Variants in EYS observed in about 807,000 individuals in gnomAD.
EYS encodes EGF-like photoreceptor maintenance factor.
In EYS, 250 loss-of-function variants were observed where a neutral mutation model predicts 282.1. The observed-to-expected ratio is 0.89, with a 90% CI of 0.80 to 0.98. The LOEUF is 0.98. Among genes scored for constraint, EYS ranks in the 50% least tolerant of loss-of-function variants. EYS has a pLI of 0.00. For missense variants in EYS, 4,016 were observed against 3,709.0 expected (o/e 1.08, Z -2.15); for synonymous variants, 1,355 against 1,282.9 (o/e 1.06, Z -1.20).
At chr6:65,402,152 T>C (rs536466858) in intron 7 of EYS, among the ~76,000 whole-genome samples, 176 of 151,754 alleles carry the variant, frequency 1.2e-3, no homozygotes, top group African/African-American at 4.1e-3. Context: ...AATAATACTA[T>C]GGAGACATAT....
At chr6:63,772,333 T>G (rs1053481011) in intron 40 of EYS, among the ~76,000 whole-genome samples, 7 of 152,128 alleles carry the variant, frequency 4.6e-5, no homozygotes, top group Admixed American at 3.9e-4. Flanking sequence ...CAGTTCATAT[T>G]AAGGATTAGA....
intron 13 of EYS, among the ~76,000 whole-genome samples, chr6:65,009,195 C>T (rs2150132186): frequency 6.6e-6 from 1 of 152,164 alleles, no homozygotes; most frequent in Admixed American, 6.5e-5. Context: ...AGGGATCCCA[C>T]CTCCTTTCCC....
At chr6:63,954,910 C>T (rs1467101086) in intron 35 of EYS, among the ~76,000 whole-genome samples, 1 of 152,138 alleles carries the variant, frequency 6.6e-6, no homozygotes, top group Non-Finnish European at 1.5e-5. Context: ...AATCTGTCCT[C>T]AAGGAAATAA....
intron 12 of EYS, among the ~76,000 whole-genome samples, chr6:65,059,354 GA>G (rs942353605): frequency 2.2e-4 from 33 of 152,220 alleles, no homozygotes; most frequent in Admixed American, 3.9e-4. Flanking sequence ...GCTGGGGTAA[GA>G]GAGCTCATAG....
intron 12 of EYS, among the ~76,000 whole-genome samples, chr6:65,160,538 G>T (rs1764828456): frequency 6.6e-6 from 1 of 150,682 alleles, no homozygotes; most frequent in Non-Finnish European, 1.5e-5. Flanking sequence ...ACTTGGCATT[G>T]TTGGCAACCA....
At chr6:64,251,078 G>T (rs980854034) in intron 30 of EYS, among the ~76,000 whole-genome samples, 4 of 152,114 alleles carry the variant, frequency 2.6e-5, no homozygotes, top group African/African-American at 4.8e-5. Context: ...AATGGATTTT[G>T]CCTTGTCTGA....
At chr6:64,513,310 A>G (rs1254477017) in intron 26 of EYS, among the ~76,000 whole-genome samples, 5 of 151,950 alleles carry the variant, frequency 3.3e-5, no homozygotes, top group Non-Finnish European at 7.4e-5. Flanking sequence ...TCATTGTTAA[A>G]CGTACTGTTT....
intron 7 of EYS, among the ~76,000 whole-genome samples, chr6:65,387,352 G>C (rs1458688385): frequency 6.6e-6 from 1 of 151,648 alleles, no homozygotes; most frequent in Admixed American, 6.6e-5. Flanking sequence ...AGAACTACTA[G>C]TATTTATAAC....
intron 2 of EYS, among the ~76,000 whole-genome samples, chr6:65,598,273 C>G (rs1039613137): frequency 4.2e-5 from 5 of 119,714 alleles, no homozygotes; most frequent in African/African-American, 1.6e-4. Flanking sequence ...AAACTTTTCT[C>G]TCCTGGTATT....
At chr6:65,405,089 T>A in intron 6 of EYS, 85 bp downstream of exon 6, 1 of 908,218 alleles carries the variant, frequency 1.1e-6, no homozygotes, top group Non-Finnish European at 1.8e-6. Flanking sequence ...TTAATAAGGA[T>A]TCTAATTATT....
intron 30 of EYS, among the ~76,000 whole-genome samples, chr6:64,237,818 T>G (rs1766663106): frequency 6.6e-6 from 1 of 152,142 alleles, no homozygotes; most frequent in African/African-American, 2.4e-5. Flanking sequence ...ATGTTTTTGC[T>G]ATTTAAAAAA....
chr6:64,331,916 C>T (rs1011084855), intron 29 of EYS, among the ~76,000 whole-genome samples: 1 of 152,122 alleles, frequency 6.6e-6, no homozygotes, highest in African/African-American at 2.4e-5. Flanking sequence ...CCCACCAGGA[C>T]AGAGAAAGCT....
chr6:65,514,111 A>G (rs866353985), intron 2 of EYS, among the ~76,000 whole-genome samples: 14 of 152,172 alleles, frequency 9.2e-5, no homozygotes, highest in African/African-American at 3.1e-4. Context: ...TACAAAATCA[A>G]TGTACAAAAA....
intron 41 of EYS, among the ~76,000 whole-genome samples, 167 bp downstream of exon 41, chr6:63,762,294 T>G (rs1310154433): frequency 1.3e-5 from 2 of 152,108 alleles, no homozygotes; most frequent in Non-Finnish European, 2.9e-5. Flanking sequence ...GAATTTTAAG[T>G]ACTAGTCTAT....
At chr6:65,084,595 T>G (rs1334079937) in intron 12 of EYS, among the ~76,000 whole-genome samples, 2 of 152,122 alleles carry the variant, frequency 1.3e-5, no homozygotes, top group Non-Finnish European at 2.9e-5. Flanking sequence ...GCCCTTCCTA[T>G]TCTAAGTGTC....
At chr6:65,194,171 A>T (rs1048350292) in intron 12 of EYS, among the ~76,000 whole-genome samples, 1 of 151,966 alleles carries the variant, frequency 6.6e-6, no homozygotes, top group Admixed American at 6.6e-5. Context: ...CTTTAAGTTG[A>T]AGATCTCTGT....
chr6:63,853,797 T>G (rs1772321776), intron 36 of EYS, among the ~76,000 whole-genome samples: 1 of 152,154 alleles, frequency 6.6e-6, no homozygotes, highest in Non-Finnish European at 1.5e-5. Context: ...TGTAGGCCAA[T>G]GGAACAGAAC....
At position 64,131,360 on chromosome 6, in the gene EYS, A is replaced by C. The variant is rs114817365; in HGVS notation, c.6425-49358T>G. The stretch of plus-strand genomic sequence containing the variant: ...ATATTATGAAGTGTAATTGTAATAC[A>C]TAGTTTACAAAGAAAAGCAATGTTG... On this transcript the variant is annotated intron_variant, in intron 31 of 42. Coordinates refer to ENST00000503581, the MANE Select transcript of EYS (RefSeq NM_001142800.2). 2.8e-3 allele frequency among the ~76,000 whole-genome samples: 433 copies of C among 152,170 alleles called. 3 individuals are homozygous for C. Among genetic ancestry groups the C allele is most frequent in the African/African-American group, 1.0e-2 (413 of 41,400 alleles).
chr6:64,762,722 C>T (rs1773200873), intron 22 of EYS, among the ~76,000 whole-genome samples: 2 of 152,030 alleles, frequency 1.3e-5, no homozygotes, highest in African/African-American at 4.8e-5. Context: ...GTGCTCACCC[C>T]TCATAGATAG....
Sources: allele counts gnomAD v4.1 joint callset (sites outside exome capture counted in the v4.1 genomes callset), GRCh38; gene constraint gnomAD v4.1.1; transcripts MANE v1.5; gene names NCBI Gene and HGNC (gene_info 2026-07-23, HGNC 2026-07-21).